The following ITPR2 variants were observed in gnomAD, a reference collection of about 807,000 sequenced individuals.
The protein encoded by ITPR2 is inositol 1,4,5-trisphosphate receptor type 2, also known as inositol 1,4,5-trisphosphate-gated calcium channel ITPR2.
ITPR2 carries 207 observed loss-of-function variants against 317.1 expected under a neutral mutation model. The ratio of observed to expected loss-of-function variants is 0.65; its 90% CI spans 0.58 to 0.73. ITPR2 has a LOEUF of 0.73. Among genes scored for constraint, ITPR2 ranks in the 30% least tolerant of loss-of-function variants. The pLI, the probability that ITPR2 is intolerant of heterozygous loss-of-function variation, is 0.00. For missense variants in ITPR2, 2,613 were observed against 3,284.0 expected, an observed-to-expected ratio of 0.80 and a Z score of 4.99; for synonymous variants, 1,156 against 1,149.1, an observed-to-expected ratio of 1.01 and a Z score of -0.12.
chr12:26,532,768 C>A (rs1164861566), intron 37 of ITPR2, among the ~76,000 whole-genome samples: 7 of 152,122 alleles, frequency 4.6e-5, no homozygotes, highest in Admixed American at 3.3e-4. Flanking sequence ...CTCACTGCAA[C>A]CTTCACCTCC....
At chr12:26,459,861 C>T (rs1941972876) in intron 45 of ITPR2, among the ~76,000 whole-genome samples, 2 of 152,204 alleles carry the variant, frequency 1.3e-5, no homozygotes, top group African/African-American at 2.4e-5. Context: ...GCCTGTTGTA[C>T]ACCTCCAACC....
chr12:26,509,732 G>C (rs1487811849), intron 37 of ITPR2, among the ~76,000 whole-genome samples: 1 of 152,152 alleles, frequency 6.6e-6, no homozygotes, highest in African/African-American at 2.4e-5. Context: ...AATCAAGCTA[G>C]TATCTGGAAC....
At chr12:26,576,792 A>G (rs1031369217) in intron 34 of ITPR2, among the ~76,000 whole-genome samples, 1 of 152,180 alleles carries the variant, frequency 6.6e-6, no homozygotes, top group African/African-American at 2.4e-5. Context: ...CACCAGCCCA[A>G]GGGAGGTGCT....
In ITPR2 at chr12:26,782,070, A is replaced by AGAGAGC. The variant is rs1332997577; in HGVS notation, c.163+8086_163+8087insGCTCTC. ...GAGAGAGAGAGAGAGAGAGAGAGAG[A>AGAGAGC]GAGCGAGAGAGATCCTATTAGTTCT... is the stretch of plus-strand genomic sequence containing the variant. On this transcript the variant is annotated intron_variant, in intron 2 of 56. Coordinates refer to ENST00000381340, the MANE Select transcript of ITPR2 (RefSeq NM_002223.4). Among the ~76,000 whole-genome samples the AGAGAGC allele has an allele frequency of 5.3e-3, 647 of 122,442 alleles. 16 individuals are homozygous for AGAGAGC. The highest frequency in any genetic ancestry group is 8.4e-3 in the Non-Finnish European group (484 of 57,592). The allele number at this position is 122,442 out of a possible 152,430, so 80.3% of individuals were successfully genotyped here.
intron 55 of ITPR2, among the ~76,000 whole-genome samples, chr12:26,344,125 C>T (rs1320020619): frequency 1.3e-5 from 2 of 152,068 alleles, no homozygotes; most frequent in Non-Finnish European, 2.9e-5. Flanking sequence ...AAGGCCCTCA[C>T]CAGACGTGGG....
At chr12:26,447,254 T>G (rs1263249317) in intron 45 of ITPR2, among the ~76,000 whole-genome samples, 1 of 152,068 alleles carries the variant, frequency 6.6e-6, no homozygotes, top group African/African-American at 2.4e-5. Flanking sequence ...TCTCTCTGTT[T>G]CATCCTCTGT....
intron 51 of ITPR2, among the ~76,000 whole-genome samples, chr12:26,412,349 TGA>T (rs143904981): frequency 0.023 from 3,510 of 152,248 alleles, 123 homozygotes; most frequent in East Asian, 0.17. Context: ...ACACTGGAGC[TGA>T]GAGAGCTAGT....
intron 47 of ITPR2, among the ~76,000 whole-genome samples, chr12:26,436,599 A>G (rs1941355672): frequency 6.6e-6 from 1 of 152,216 alleles, no homozygotes; most frequent in Non-Finnish European, 1.5e-5. Flanking sequence ...GGAATTTTGC[A>G]ATTGCTAAAG....
At chr12:26,540,207 G>A (rs1348173797) in intron 37 of ITPR2, among the ~76,000 whole-genome samples, 2 of 152,102 alleles carry the variant, frequency 1.3e-5, no homozygotes, top group African/African-American at 4.8e-5. Context: ...TAAAATGGCA[G>A]TACATACACC....
At chr12:26,509,744 G>T (rs1003960700) in intron 37 of ITPR2, among the ~76,000 whole-genome samples, 9 of 152,132 alleles carry the variant, frequency 5.9e-5, no homozygotes, top group Non-Finnish European at 8.8e-5. Flanking sequence ...ATCTGGAACT[G>T]TTTGAGTCTT....
At chr12:26,353,637 T>C (rs1938546894) in intron 55 of ITPR2, among the ~76,000 whole-genome samples, 1 of 152,258 alleles carries the variant, frequency 6.6e-6, no homozygotes, top group Non-Finnish European at 1.5e-5. Context: ...ATAATTTGGC[T>C]CCATAATTGT....
At chr12:26,533,757 T>G (rs1944008794) in intron 37 of ITPR2, among the ~76,000 whole-genome samples, 2 of 152,254 alleles carry the variant, frequency 1.3e-5, no homozygotes, top group East Asian at 1.9e-4. Context: ...GACAGTTCCT[T>G]CTCTCCTGGC....
At chr12:26,523,241 G>A (rs1451846154) in intron 37 of ITPR2, among the ~76,000 whole-genome samples, 3 of 152,062 alleles carry the variant, frequency 2.0e-5, no homozygotes, top group Non-Finnish European at 4.4e-5. Flanking sequence ...AAGATAACTA[G>A]AAGCCTCAAC....
At chr12:26,708,062 C>T (rs1948587141) in intron 9 of ITPR2, among the ~76,000 whole-genome samples, 2 of 152,096 alleles carry the variant, frequency 1.3e-5, no homozygotes, top group South Asian at 4.1e-4. Context: ...CATCTCACCC[C>T]GTTTAAAATG....
chr12:26,374,752 T>C lies in ITPR2; in HGVS notation c.7857+12682A>G, dbSNP rs947346624. Among the ~76,000 whole-genome samples the C allele has an allele frequency of 2.0e-5, 3 of 152,342 alleles. No homozygotes were observed. In the South Asian group the frequency reaches 6.2e-4, roughly 32 times the overall value. ...AGCTGCGGTAACTTACCTCAGATGC[T>C]ATTATTTCCAAAACATCTTGATCTC... On this transcript the variant is annotated intron_variant, in intron 55 of 56. Transcript: ENST00000381340.
chr12:26,790,190 C>A lies in ITPR2; in HGVS notation c.130G>T (p.Gly44Trp), dbSNP rs1950318864. 6.2e-7 allele frequency: 1 copy of A among 1,613,590 alleles called. No individual in the cohort carries two copies. The highest frequency in any genetic ancestry group is 1.1e-5 in the South Asian group (1 of 91,078). ...TTCTTGGGAGGGTTGGCAAGGTCCC[C>A]GGCCTCTGGGTGCACCACACATCTG... is the stretch of plus-strand genomic sequence containing the variant. ...DDRCVVHPEAGDLANPPKKFR... is the reference protein window; with the variant it reads ...DDRCVVHPEAWDLANPPKKFR... Residue 44 changes from glycine to tryptophan, a missense_variant, in exon 2 of 57, where the codon GGG (glycine) becomes TGG (tryptophan). Gly to Trp is a radical substitution (Grantham distance 184, BLOSUM62 -2). Transcript: ENST00000381340.
At chr12:26,486,778 T>C (rs1267614999) in intron 40 of ITPR2, 1 of 596,278 alleles carries the variant, frequency 1.7e-6, no homozygotes, top group Admixed American at 2.1e-5. Context: ...AGTTTCATTT[T>C]CATGGTCACT....
chr12:26,722,053 T>C (rs1021587849), intron 5 of ITPR2, among the ~76,000 whole-genome samples: 9 of 152,154 alleles, frequency 5.9e-5, no homozygotes, highest in African/African-American at 2.2e-4. Flanking sequence ...CACACACTAT[T>C]TCCTAAACAC....
At chr12:26,826,309 A>G (rs1951009013) in intron 1 of ITPR2, among the ~76,000 whole-genome samples, 1 of 152,238 alleles carries the variant, frequency 6.6e-6, no homozygotes, top group South Asian at 2.1e-4. Flanking sequence ...GATAAATCAA[A>G]TCTACAACTA....
Sources: gnomAD v4.1 joint callset for allele counts (sites outside exome capture counted in the v4.1 genomes callset) on GRCh38, gnomAD v4.1.1 for gene constraint, MANE v1.5 for transcripts, NCBI Gene and HGNC (gene_info 2026-07-23, HGNC 2026-07-21) for gene names.